The following RANBP2 variants were observed in gnomAD, a reference collection of about 807,000 sequenced individuals.
The protein encoded by RANBP2 is RAN binding protein 2.
In RANBP2, 57 loss-of-function variants were observed where a neutral mutation model predicts 303.6. That is an observed-to-expected ratio of 0.19 (90% CI 0.15 to 0.23). The LOEUF (loss-of-function observed/expected upper bound fraction) is 0.23. Among genes scored for constraint, RANBP2 ranks in the 10% least tolerant of loss-of-function variants. The pLI is 1.00. For synonymous variants in RANBP2, 1,167 were observed against 1,301.5 expected, an observed-to-expected ratio of 0.90 and a Z score of 2.23; for missense variants, 3,138 against 3,780.8, an observed-to-expected ratio of 0.83 and a Z score of 4.46.
At chr2:108,750,929 C>T (rs1675831856) in intron 9 of RANBP2, among the ~76,000 whole-genome samples, 1 of 151,996 alleles carries the variant, frequency 6.6e-6, no homozygotes, top group South Asian at 2.1e-4. Flanking sequence ...AAAGGAAAAC[C>T]CATCGTTTTG....
chr2:109,459,232 A>G, the RANBP2 span, among the ~76,000 whole-genome samples: 1 of 152,204 alleles, frequency 6.6e-6, no homozygotes, highest in African/African-American at 2.4e-5. Context: ...ACTGCTTAAT[A>G]TACACATTCA....
At chr2:109,565,123 TTAAGTA>T in the RANBP2 span, among the ~76,000 whole-genome samples, 6 of 152,182 alleles carry the variant, frequency 3.9e-5, no homozygotes, top group Non-Finnish European at 7.3e-5. Context: ...ACCAATACTC[TTAAGTA>T]TAATTATTAC....
chr2:109,319,019 G>C, the RANBP2 span, among the ~76,000 whole-genome samples: 5 of 152,238 alleles, frequency 3.3e-5, no homozygotes, highest in Non-Finnish European at 7.3e-5. Flanking sequence ...TGGGATTACA[G>C]ATGGGAAAGG....
the RANBP2 span, among the ~76,000 whole-genome samples, chr2:109,162,355 C>T: frequency 6.6e-6 from 1 of 152,128 alleles, no homozygotes; most frequent in South Asian, 2.1e-4. Context: ...GAGAGCCGGG[C>T]CTCTCTCATT....
chr2:108,761,513 A>T (rs1376021845), intron 18 of RANBP2, among the ~76,000 whole-genome samples: 1 of 152,216 alleles, frequency 6.6e-6, no homozygotes, highest in African/African-American at 2.4e-5. Flanking sequence ...GGTAAAACAC[A>T]CAAAACAGAG....
chr2:108,723,649 C>G (rs886075968), intron 1 of RANBP2, among the ~76,000 whole-genome samples: 2 of 152,140 alleles, frequency 1.3e-5, no homozygotes, highest in African/African-American at 4.8e-5. Flanking sequence ...GCCCCTCATT[C>G]TTTCAGTACT....
chr2:109,460,162 G>A, the RANBP2 span, among the ~76,000 whole-genome samples: 1 of 152,218 alleles, frequency 6.6e-6, no homozygotes, highest in Admixed American at 6.5e-5. Flanking sequence ...AAGCAGTGCT[G>A]TGTGGAATAC....
chr2:109,053,020 C>G, the RANBP2 span, among the ~76,000 whole-genome samples: 1 of 152,194 alleles, frequency 6.6e-6, no homozygotes, highest in Non-Finnish European at 1.5e-5. Flanking sequence ...CCTCACCTAC[C>G]TCTTCTCCTG....
chr2:108,862,338 G>C, the RANBP2 span, among the ~76,000 whole-genome samples: 1 of 152,132 alleles, frequency 6.6e-6, no homozygotes, highest in South Asian at 2.1e-4. Context: ...TGTTTACAGT[G>C]CTCTAGGGAA....
chr2:108,985,406 G>A, the RANBP2 span, among the ~76,000 whole-genome samples: 3 of 152,354 alleles, frequency 2.0e-5, no homozygotes, highest in East Asian at 3.9e-4. Flanking sequence ...AGTTAAGCTG[G>A]CATGAGCTCG....
chr2:109,180,422 G>A, the RANBP2 span, among the ~76,000 whole-genome samples: 1 of 152,212 alleles, frequency 6.6e-6, no homozygotes, highest in Non-Finnish European at 1.5e-5. Context: ...GCTAGCCAAT[G>A]AACTGGCTCC....
At chr2:108,949,556 A>G in the RANBP2 span, among the ~76,000 whole-genome samples, 2 of 152,188 alleles carry the variant, frequency 1.3e-5, no homozygotes, top group African/African-American at 4.8e-5. Context: ...AAACCAGTGC[A>G]TGACTTGCAA....
the RANBP2 span, among the ~76,000 whole-genome samples, chr2:109,372,408 T>C: frequency 2.0e-5 from 3 of 152,194 alleles, no homozygotes; most frequent in South Asian, 2.1e-4. Context: ...CATGTGCACA[T>C]TGGTGAGCTG....
chr2:108,780,111 G>T (rs1169240432), intron 25 of RANBP2, among the ~76,000 whole-genome samples: 1 of 151,368 alleles, frequency 6.6e-6, no homozygotes, highest in Non-Finnish European at 1.5e-5. Context: ...TCTTATCTTT[G>T]TATCGCTAAG....
chr2:109,374,460 G>A, the RANBP2 span, among the ~76,000 whole-genome samples: 1 of 152,222 alleles, frequency 6.6e-6, no homozygotes, highest in African/African-American at 2.4e-5. Context: ...GGATCGGAAA[G>A]TCCTGGTTTG....
the RANBP2 span, among the ~76,000 whole-genome samples, chr2:108,795,321 A>G: frequency 6.6e-6 from 1 of 151,564 alleles, no homozygotes; most frequent in South Asian, 2.1e-4. Flanking sequence ...CGCCCAGCCA[A>G]TTTTTTGTAT....
chr2:108,952,058 T>G, the RANBP2 span, among the ~76,000 whole-genome samples: 1 of 152,232 alleles, frequency 6.6e-6, no homozygotes, highest in Non-Finnish European at 1.5e-5. Flanking sequence ...TGCTTTGTTT[T>G]TTCATTTGTT....
the RANBP2 span, among the ~76,000 whole-genome samples, chr2:108,863,551 T>G: frequency 6.6e-6 from 1 of 152,188 alleles, no homozygotes; most frequent in South Asian, 2.1e-4. Flanking sequence ...CATCAAGACT[T>G]GGGGTTTTTT....
At chr2:109,405,361 CA>C in the RANBP2 span, among the ~76,000 whole-genome samples, 1 of 152,200 alleles carries the variant, frequency 6.6e-6, no homozygotes, top group African/African-American at 2.4e-5. Flanking sequence ...TCTTCCCCAA[CA>C]CTGACTCCCT....
Sources: allele counts gnomAD v4.1 joint callset (sites outside exome capture counted in the v4.1 genomes callset), GRCh38; gene constraint gnomAD v4.1.1; transcripts MANE v1.5; gene names NCBI Gene and HGNC (gene_info 2026-07-23, HGNC 2026-07-21).